Variants in MAGI2 observed in about 807,000 individuals in gnomAD.
MAGI2 encodes the protein membrane associated guanylate kinase, WW and PDZ domain containing 2, also known as membrane-associated guanylate kinase, WW and PDZ domain-containing protein 2.
MAGI2 carries 35 observed loss-of-function variants against 133.3 expected under a neutral mutation model. That is an observed-to-expected ratio of 0.26 (90% confidence interval 0.20 to 0.35). The LOEUF (loss-of-function observed/expected upper bound fraction) is 0.35. MAGI2 is among the 10% of genes least tolerant of loss of function. MAGI2 has a pLI of 1.00. For missense variants in MAGI2, 1,636 were observed against 1,863.4 expected, an observed-to-expected ratio of 0.88 and a Z score of 2.25; for synonymous variants, 729 against 710.6, an observed-to-expected ratio of 1.03 and a Z score of -0.41.
At chr7:78,095,511 C>T (rs776975531) in intron 20 of MAGI2, among the ~76,000 whole-genome samples, 7 of 152,166 alleles carry the variant, frequency 4.6e-5, no homozygotes, top group African/African-American at 9.7e-5. Context: ...TTCTTTTCTG[C>T]GATCCCTAGC....
chr7:79,150,869 GTTC>G (rs993787998), intron 1 of MAGI2, among the ~76,000 whole-genome samples: 4 of 151,584 alleles, frequency 2.6e-5, no homozygotes, highest in African/African-American at 9.7e-5. Context: ...AAAGTAGTGG[GTTC>G]TTCTTTTAAA....
At chr7:79,183,571 G>T (rs867985358) in intron 1 of MAGI2, among the ~76,000 whole-genome samples, 9 of 151,740 alleles carry the variant, frequency 5.9e-5, no homozygotes, top group African/African-American at 2.2e-4. Context: ...TCTGCAGCTA[G>T]ATCTTTTATT....
At chr7:79,025,918 A>G (rs1027934955) in intron 1 of MAGI2, among the ~76,000 whole-genome samples, 2 of 152,248 alleles carry the variant, frequency 1.3e-5, no homozygotes, top group Non-Finnish European at 2.9e-5. Flanking sequence ...AGCAGGAAGT[A>G]GTAATCAAGG....
intron 2 of MAGI2, among the ~76,000 whole-genome samples, chr7:78,659,424 C>CAAAAAAAAA (rs71085553): frequency 3.8e-4 from 9 of 23,674 alleles, no homozygotes; most frequent in Non-Finnish European, 5.6e-4. Flanking sequence ...GACTTCATCT[C>CAAAAAAAAA]AAAAAAAAAA....
intron 2 of MAGI2, among the ~76,000 whole-genome samples, chr7:78,643,013 T>C (rs1810472034): frequency 6.6e-6 from 1 of 152,152 alleles, no homozygotes; most frequent in African/African-American, 2.4e-5. Context: ...ATAGAATCTC[T>C]GCCAGGAAAG....
chr7:79,034,189 G>C (rs10255028), intron 1 of MAGI2, among the ~76,000 whole-genome samples: 17,917 of 152,058 alleles, frequency 0.12, 1,498 homozygotes, highest in African/African-American at 0.24. Context: ...AGGACTGAAG[G>C]CTGATGATAT....
intron 2 of MAGI2, among the ~76,000 whole-genome samples, chr7:78,709,009 T>C (rs1209220918): frequency 5.3e-5 from 8 of 152,196 alleles, no homozygotes; most frequent in Non-Finnish European, 1.2e-4. Flanking sequence ...CCACTAGCTA[T>C]GCTCTCATCA....
At chr7:78,889,425 T>A (rs1316055187) in intron 2 of MAGI2, among the ~76,000 whole-genome samples, 2 of 152,108 alleles carry the variant, frequency 1.3e-5, no homozygotes, top group Non-Finnish European at 2.9e-5. Flanking sequence ...GACACATAAT[T>A]GTCAGATTCA....
chr7:78,598,971 C>T lies in MAGI2; in HGVS notation c.538+28149G>A, dbSNP rs112309987. Among the ~76,000 whole-genome samples, 122 of 152,052 alleles carry T rather than the reference C, an allele frequency of 8.0e-4. 3 individuals carry two copies. The highest frequency in any genetic ancestry group is 2.7e-3 in the African/African-American group (112 of 41,466). Reference sequence around the variant, plus strand: ...ACGTGTCAGGAACGCATTGGATTCACGGGTTTGGAGCTTAGGATATATCTG... The same window carrying T: ...ACGTGTCAGGAACGCATTGGATTCATGGGTTTGGAGCTTAGGATATATCTG... On this transcript the variant is annotated intron_variant, in intron 3 of 21. Coordinates refer to ENST00000354212, the MANE Select transcript of MAGI2 (RefSeq NM_012301.4).
intron 9 of MAGI2, among the ~76,000 whole-genome samples, chr7:78,334,919 T>C (rs888355037): frequency 2.0e-5 from 3 of 152,196 alleles, no homozygotes; most frequent in Admixed American, 2.0e-4. Flanking sequence ...AGAGGTATCA[T>C]GACTTTGAAA....
intron 1 of MAGI2, chr7:79,415,164 A>G (rs552889394): frequency 6.6e-6 from 1 of 152,200 alleles, no homozygotes; most frequent in Non-Finnish European, 1.5e-5. Context: ...TACATAAGAA[A>G]AAGCTATGAA....
At chr7:79,238,901 A>G (rs771171301) in intron 1 of MAGI2, among the ~76,000 whole-genome samples, 3 of 152,164 alleles carry the variant, frequency 2.0e-5, no homozygotes. Context: ...ACATTTTTCA[A>G]ACTGGGTCTG....
At chr7:78,206,141 A>G (rs1829706326) in intron 10 of MAGI2, among the ~76,000 whole-genome samples, 1 of 152,140 alleles carries the variant, frequency 6.6e-6, no homozygotes, top group African/African-American at 2.4e-5. Flanking sequence ...TTTTATTATT[A>G]TTTATTTTCA....
At chr7:78,346,970 C>T (rs1790981363) in intron 7 of MAGI2, among the ~76,000 whole-genome samples, 4 of 152,154 alleles carry the variant, frequency 2.6e-5, no homozygotes, top group African/African-American at 7.2e-5. Flanking sequence ...TATAGTTTTC[C>T]TCAGTGAAGT....
At chr7:78,767,588 G>T (rs1825158154) in intron 2 of MAGI2, among the ~76,000 whole-genome samples, 1 of 152,170 alleles carries the variant, frequency 6.6e-6, no homozygotes, top group African/African-American at 2.4e-5. Context: ...AGAGTTTAAG[G>T]TAGTAGGGTT....
At position 78,414,267 on chromosome 7, in the gene MAGI2, G is replaced by A. The variant is rs930840569; in HGVS notation, c.1046-45054C>T. On this transcript the variant is annotated intron_variant, in intron 6 of 21. Transcript: ENST00000354212. ...TTGCACGAAATATTTAGTGGCATGG[G>A]GAAAAGAATAAGGTATAATATAGAA... 2.6e-5 allele frequency among the ~76,000 whole-genome samples: 4 copies of A among 151,602 alleles called. No individual in the cohort carries two copies. The East Asian group carries it at 7.7e-4, about 29-fold the overall frequency.
intron 6 of MAGI2, among the ~76,000 whole-genome samples, chr7:78,373,834 G>A (rs1297851124): frequency 6.6e-6 from 1 of 152,036 alleles, no homozygotes; most frequent in Non-Finnish European, 1.5e-5. Flanking sequence ...CCACTTATAA[G>A]TGAGAACATG....
chr7:79,012,710 A>G (rs936985971), intron 1 of MAGI2, among the ~76,000 whole-genome samples: 1 of 152,068 alleles, frequency 6.6e-6, no homozygotes, highest in African/African-American at 2.4e-5. Context: ...TGCACAAATC[A>G]TTTCTGGACC....
At chr7:78,655,914 G>A (rs1216942925) in intron 2 of MAGI2, among the ~76,000 whole-genome samples, 1 of 147,134 alleles carries the variant, frequency 6.8e-6, no homozygotes, top group African/African-American at 2.5e-5. Context: ...CCGGGAGGCG[G>A]AGCTTGCAGT....
Sources: allele counts gnomAD v4.1 joint callset (sites outside exome capture counted in the v4.1 genomes callset), GRCh38; gene constraint gnomAD v4.1.1; transcripts MANE v1.5; gene names NCBI Gene and HGNC (gene_info 2026-07-23, HGNC 2026-07-21).